Variants in RTKN2 observed in about 807,000 individuals in gnomAD.
RTKN2 encodes rhotekin-2.
A neutral mutation model predicts 71.5 loss-of-function variants in RTKN2; 69 were observed. The observed-to-expected ratio is 0.96, with a 90% CI of 0.79 to 1.18. The LOEUF (loss-of-function observed/expected upper bound fraction) is 1.18, where lower values mean the gene tolerates loss of function less well. Ranked by LOEUF, RTKN2 falls within the 50% of genes most tolerant of loss-of-function variation. The probability of loss-of-function intolerance (pLI) is 0.00; values close to 1 mark genes in which losing one functional copy is unlikely to be tolerated. For missense variants in RTKN2, 724 were observed against 719.7 expected (o/e 1.01, Z -0.07); for synonymous variants, 236 against 236.5 (o/e 1.00, Z 0.02).
In RTKN2 at chr10:62,195,813, G is replaced by A; in HGVS notation, c.*2095C>T. ...AGAAAGAGACCGAATAATTTGGTGG[G>A]GAGGGGGTGGTGGTCCTTGCTCAGG... On this transcript the variant is annotated 3_prime_UTR_variant, in exon 12 of 12. Coordinates refer to ENST00000373789, the MANE Select transcript of RTKN2 (RefSeq NM_145307.4). The A allele has an allele frequency of 1.0e-6, 1 of 985,552 alleles. No individual in the cohort carries two copies. The highest frequency in any genetic ancestry group is 1.2e-6 in the Non-Finnish European group (1 of 830,066). The allele number at this position is 985,552 out of a possible 1,614,324, so 61.1% of individuals were successfully genotyped here.
At chr10:62,237,483 T>C (rs1467320694) in intron 5 of RTKN2, among the ~76,000 whole-genome samples, 1 of 151,950 alleles carries the variant, frequency 6.6e-6, no homozygotes, top group Admixed American at 6.6e-5. Flanking sequence ...ATTTAACCAA[T>C]ATATACATAG....
rs534579041 is a variant in RTKN2, at chr10:62,221,923, C to A, written c.781+1315G>T. 6.6e-5 allele frequency among the ~76,000 whole-genome samples: 10 copies of A among 152,174 alleles called. No individual in the cohort carries two copies. The South Asian group carries it at 2.1e-3, about 32-fold the overall frequency. ...TATAGAAAATTTAATGCCTATAAAT[C>A]TCAAAGTTTAGATCAAATAGGTAGA... On this transcript the variant is annotated intron_variant, in intron 7 of 11. Transcript: ENST00000373789.
At chr10:62,203,384 G>A (rs1298069542) in intron 10 of RTKN2, among the ~76,000 whole-genome samples, 1 of 144,858 alleles carries the variant, frequency 6.9e-6, no homozygotes, top group African/African-American at 2.6e-5. Context: ...TTGCTCTATC[G>A]CCCAGGTTGG....
chr10:62,257,773 G>C (rs2133080606), intron 2 of RTKN2, among the ~76,000 whole-genome samples: 1 of 152,220 alleles, frequency 6.6e-6, no homozygotes, highest in Non-Finnish European at 1.5e-5. Context: ...AGAAAAAAAG[G>C]TACAATGATA....
intron 2 of RTKN2, among the ~76,000 whole-genome samples, chr10:62,257,739 T>C (rs768721190): frequency 1.6e-4 from 24 of 152,288 alleles, no homozygotes; most frequent in Admixed American, 2.0e-4. Context: ...ATCTTTTAAG[T>C]AGCCATATCC....
In RTKN2 at chr10:62,195,208, T is replaced by C. The variant is rs1289272098; in HGVS notation, c.*2700A>G. The C allele has an allele frequency of 4.1e-6, 4 of 978,478 alleles. No homozygotes were observed. The highest frequency in any genetic ancestry group is 1.8e-5 in the African/African-American group (1 of 57,054). The allele number at this position is 978,478 out of a possible 1,614,324, so 60.6% of individuals were successfully genotyped here. A position where few individuals can be genotyped will look rare whatever the true frequency, so the allele number is the denominator to read the frequency against. ...GAATTATCATATCATAAAATATCTA[T>C]TCTGTTTCCCCAATTATATTATCAA... On this transcript the variant is annotated 3_prime_UTR_variant, in exon 12 of 12. Transcript: ENST00000373789.
At chr10:62,267,198 TCCTG>T (rs1284669101) in intron 1 of RTKN2, among the ~76,000 whole-genome samples, 1 of 152,240 alleles carries the variant, frequency 6.6e-6, no homozygotes, top group Non-Finnish European at 1.5e-5. Context: ...TTTGATTTTG[TCCTG>T]CCTAAGAAAT....
chr10:62,226,843 G>A lies in RTKN2; in HGVS notation c.687-3511C>T, dbSNP rs187902247. Among the ~76,000 whole-genome samples, 46 of 152,324 alleles carry A rather than the reference G, an allele frequency of 3.0e-4. No individual in the cohort carries two copies. In the East Asian group the frequency reaches 5.6e-3, roughly 19 times the overall value. The stretch of plus-strand genomic sequence containing the variant: ...GGGCATGGTGGCTCACGCCTATAAT[G>A]CCAGAACTTTGGGAGGGTGAGGCAG... On this transcript the variant is annotated intron_variant, in intron 6 of 11. Transcript: ENST00000373789.
intron 8 of RTKN2, among the ~76,000 whole-genome samples, chr10:62,217,913 A>C (rs1841811025): frequency 6.6e-6 from 1 of 152,086 alleles, no homozygotes; most frequent in Non-Finnish European, 1.5e-5. Context: ...CAGTTTCCAC[A>C]CGGAGCCCTC....
At chr10:62,260,206 A>C (rs1023151805) in intron 2 of RTKN2, among the ~76,000 whole-genome samples, 1 of 152,168 alleles carries the variant, frequency 6.6e-6, no homozygotes, top group Non-Finnish European at 1.5e-5. Context: ...AATATACAAT[A>C]TTGTCATATT....
intron 6 of RTKN2, among the ~76,000 whole-genome samples, chr10:62,225,784 CTTTTTT>C (rs71470801): frequency 2.9e-5 from 4 of 140,246 alleles, no homozygotes; most frequent in Non-Finnish European, 6.2e-5. Flanking sequence ...ATTTTCTTTT[CTTTTTT>C]TTTTTTTTTG....
chr10:62,212,908 T>C (rs1243165487), intron 9 of RTKN2, among the ~76,000 whole-genome samples: 1 of 152,154 alleles, frequency 6.6e-6, no homozygotes, highest in Non-Finnish European at 1.5e-5. Context: ...ACTCATCTGC[T>C]ACCCCTGGAG....
At position 62,194,788 on chromosome 10, in the gene RTKN2, G is replaced by C; in HGVS notation, c.*3120C>G. On this transcript the variant is annotated 3_prime_UTR_variant, in exon 12 of 12. Transcript: ENST00000373789. ...CTTACGTGAGGTATCTCTAATTCAA[G>C]ACAGCTTCCATTTTTAATAAATAGT... The C allele has an allele frequency of 1.0e-6, 1 of 985,236 alleles. No individual in the cohort carries two copies. Among genetic ancestry groups the C allele is most frequent in the Non-Finnish European group, 1.2e-6 (1 of 829,794 alleles). 61.0% of individuals were successfully genotyped at this position (985,236 alleles called of 1,614,324 possible). A position where few individuals can be genotyped will look rare whatever the true frequency, so the allele number is the denominator to read the frequency against.
chr10:62,198,388 A>C lies in RTKN2; in HGVS notation c.1350T>G (p.Ile450Met). ...TAAGGAACTGCCCATTTGTCTCTTC[A>C]ATTTTTTTTTGTATTATATCCGTTA... ...ESLTDIIQKK[I>M]EETNGQFLIG... is the part of the protein sequence containing the mutation. Residue 450 changes from isoleucine to methionine, a missense_variant, in exon 12 of 12, where the codon ATT becomes ATG. Physicochemically the swap from Ile to Met is conservative, Grantham distance 10. Transcript: ENST00000373789. The C allele has an allele frequency of 1.3e-6, 2 of 1,594,432 alleles. No homozygotes were observed. Among genetic ancestry groups the C allele is most frequent in the Non-Finnish European group, 1.7e-6 (2 of 1,174,196 alleles).
intron 9 of RTKN2, among the ~76,000 whole-genome samples, chr10:62,205,396 T>C (rs1841530186): frequency 6.6e-6 from 1 of 152,172 alleles, no homozygotes; most frequent in South Asian, 2.1e-4. Flanking sequence ...ATAGCTGTAA[T>C]GTGGATTACA....
At chr10:62,262,535 T>C (rs1842791388) in intron 2 of RTKN2, 90 bp downstream of exon 2, 1 of 857,418 alleles carries the variant, frequency 1.2e-6, no homozygotes, top group Admixed American at 2.6e-5. Flanking sequence ...GTTTGGTGAT[T>C]TGACATTGGT....
At chr10:62,192,795 G>T (rs1014202944), downstream of RTKN2, among the ~76,000 whole-genome samples, 6 of 152,176 alleles carry the variant, frequency 3.9e-5, no homozygotes, top group Non-Finnish European at 7.4e-5. Flanking sequence ...ACCTAGTAGG[G>T]CATGGCAGGT....
At chr10:62,221,766 G>A (rs990777805) in intron 7 of RTKN2, among the ~76,000 whole-genome samples, 1 of 152,006 alleles carries the variant, frequency 6.6e-6, no homozygotes, top group Non-Finnish European at 1.5e-5. Context: ...GAACACACGG[G>A]TGAATAAAAC....
chr10:62,196,953 T>A lies in RTKN2; in HGVS notation c.*955A>T. 1.0e-6 allele frequency: 1 copy of A among 978,480 alleles called. No individual in the cohort carries two copies. The highest frequency in any genetic ancestry group is 1.2e-6 in the Non-Finnish European group (1 of 823,810). 60.6% of individuals were successfully genotyped at this position (978,480 alleles called of 1,614,324 possible). A position where few individuals can be genotyped will look rare whatever the true frequency, so the allele number is the denominator to read the frequency against. The stretch of plus-strand genomic sequence containing the variant: ...TTCCAATGTCACTGTTGTAAGAATA[T>A]GACATTTAATGAAAAATACCACTAG... On this transcript the variant is annotated 3_prime_UTR_variant, in exon 12 of 12. Coordinates refer to ENST00000373789, the MANE Select transcript of RTKN2 (RefSeq NM_145307.4).
Sources: allele counts gnomAD v4.1 joint callset (sites outside exome capture counted in the v4.1 genomes callset), GRCh38; gene constraint gnomAD v4.1.1; transcripts MANE v1.5; gene names NCBI Gene and HGNC (gene_info 2026-07-23, HGNC 2026-07-21).